Variants in LRRC37A2 observed in about 807,000 individuals in gnomAD.
LRRC37A2 encodes leucine-rich repeat-containing protein 37A2.
In LRRC37A2, 9 loss-of-function variants were observed where a neutral mutation model predicts 68.8. That is an observed-to-expected ratio of 0.13 (90% confidence interval 0.08 to 0.23). LRRC37A2 has a LOEUF of 0.23. LRRC37A2 is among the 10% of genes least tolerant of loss of function. The pLI, the probability that LRRC37A2 is intolerant of heterozygous loss-of-function variation, is 1.00. For missense variants in LRRC37A2, 168 were observed against 950.4 expected (o/e 0.18, Z 10.82); for synonymous variants, 63 against 367.6 (o/e 0.17, Z 9.48).
chr17:47,029,281 C>CA, the LRRC37A2 span, among the ~76,000 whole-genome samples: 3,655 of 150,224 alleles, frequency 0.024, 81 homozygotes, highest in African/African-American at 0.062. Flanking sequence ...AGCTATTGTG[C>CA]AAAAAAAAAC....
the LRRC37A2 span, among the ~76,000 whole-genome samples, chr17:46,918,904 T>C: frequency 2.0e-5 from 3 of 152,240 alleles, no homozygotes; most frequent in Non-Finnish European, 4.4e-5. Context: ...CTGGGATGTT[T>C]TCCCCACTGG....
At chr17:46,741,050 A>C in the LRRC37A2 span, among the ~76,000 whole-genome samples, 1 of 152,130 alleles carries the variant, frequency 6.6e-6, no homozygotes, top group African/African-American at 2.4e-5. Context: ...GCAAGAGTGG[A>C]CCCCAAATCT....
chr17:46,949,919 G>T, the LRRC37A2 span, among the ~76,000 whole-genome samples: 3 of 152,202 alleles, frequency 2.0e-5, no homozygotes, highest in South Asian at 6.2e-4. Flanking sequence ...CAGACGCGGG[G>T]TGCCTAAGAG....
the LRRC37A2 span, among the ~76,000 whole-genome samples, chr17:46,793,065 G>A: frequency 6.7e-6 from 1 of 149,270 alleles, no homozygotes; most frequent in Non-Finnish European, 1.5e-5. Flanking sequence ...AGGTGTTCAA[G>A]ACTAGCCTAG....
the LRRC37A2 span, chr17:46,942,047 A>G: frequency 1.5e-6 from 1 of 684,150 alleles, no homozygotes; most frequent in Non-Finnish European, 1.8e-6. Flanking sequence ...ATTTGAGGAG[A>G]CTTTGAGGAA....
the LRRC37A2 span, among the ~76,000 whole-genome samples, chr17:46,817,984 A>G: frequency 1.1e-4 from 17 of 151,994 alleles, no homozygotes; most frequent in Admixed American, 8.5e-4. Context: ...CCCCCCACCC[A>G]CTCCCCTGCC....
At chr17:46,712,246 A>G in the LRRC37A2 span, among the ~76,000 whole-genome samples, 5 of 152,216 alleles carry the variant, frequency 3.3e-5, no homozygotes, top group Non-Finnish European at 5.9e-5. Flanking sequence ...TATTATTGTC[A>G]ATCATAATTA....
the LRRC37A2 span, among the ~76,000 whole-genome samples, chr17:46,823,017 AAATATGTATTTATAATAAAT>A: frequency 2.5e-5 from 1 of 39,606 alleles, no homozygotes; most frequent in Non-Finnish European, 5.3e-5. Flanking sequence ...TATTTATAAT[AAATATGTATTTATAATAAAT>A]ATGTATTTAT....
At chr17:46,899,882 A>T in the LRRC37A2 span, among the ~76,000 whole-genome samples, 1 of 151,822 alleles carries the variant, frequency 6.6e-6, no homozygotes, top group South Asian at 2.1e-4. Flanking sequence ...AATTAAGGAG[A>T]TATATAGTGG....
chr17:46,537,077 ATTTTTTTTTTTTTTTTT>A (rs766255014), intron 6 of LRRC37A2, among the ~76,000 whole-genome samples: 4 of 34,830 alleles, frequency 1.1e-4, no homozygotes, highest in African/African-American at 5.9e-4. Context: ...ATTGTGGTCA[ATTTTTTTTTTTTTTTTT>A]TTTTTTTTTT....
the LRRC37A2 span, chr17:46,773,989 C>G: frequency 6.5e-7 from 1 of 1,547,178 alleles, no homozygotes; most frequent in Non-Finnish European, 8.7e-7. Flanking sequence ...CTTTGTGAAC[C>G]CTCCGGGGTA....
the LRRC37A2 span, among the ~76,000 whole-genome samples, chr17:46,998,294 C>T: frequency 6.6e-6 from 1 of 152,166 alleles, no homozygotes; most frequent in Non-Finnish European, 1.5e-5. Flanking sequence ...AATCCCGGCT[C>T]GGCCGTGAGT....
At chr17:46,991,398 G>A in the LRRC37A2 span, among the ~76,000 whole-genome samples, 108 of 152,194 alleles carry the variant, frequency 7.1e-4, 1 homozygote, top group Middle Eastern at 6.8e-3. Flanking sequence ...AGGCCGAGGT[G>A]GGTGGATCAC....
the LRRC37A2 span, among the ~76,000 whole-genome samples, chr17:46,699,419 AC>A: frequency 6.6e-6 from 1 of 152,148 alleles, no homozygotes; most frequent in African/African-American, 2.4e-5. Flanking sequence ...ACACACACAC[AC>A]ACACACACTT....
chr17:46,818,608 G>A, the LRRC37A2 span: 5 of 1,588,928 alleles, frequency 3.1e-6, no homozygotes, highest in Admixed American at 7.1e-5. Context: ...TAGAAGAGGC[G>A]CCGAGGAGGA....
chr17:46,691,633 C>T, the LRRC37A2 span, among the ~76,000 whole-genome samples: 5 of 151,600 alleles, frequency 3.3e-5, no homozygotes, highest in Non-Finnish European at 5.9e-5. Context: ...ATATCCTTAT[C>T]GGAGATTTAA....
At chr17:46,898,920 C>T in the LRRC37A2 span, among the ~76,000 whole-genome samples, 1 of 152,020 alleles carries the variant, frequency 6.6e-6, no homozygotes, top group African/African-American at 2.4e-5. Flanking sequence ...AGGTATTTAC[C>T]CAAGGGAATT....
the LRRC37A2 span, among the ~76,000 whole-genome samples, chr17:46,761,134 C>T: frequency 1.3e-5 from 2 of 152,100 alleles, no homozygotes; most frequent in Admixed American, 6.5e-5. Flanking sequence ...TGTACGTGTC[C>T]GATTCGTTGT....
At chr17:47,027,762 G>A in the LRRC37A2 span, 2 of 540,506 alleles carry the variant, frequency 3.7e-6, no homozygotes, top group East Asian at 3.2e-5. Flanking sequence ...AATCCTTTTT[G>A]TCTCTAGCAA....
Sources: gnomAD v4.1 joint callset for allele counts (sites outside exome capture counted in the v4.1 genomes callset) on GRCh38, gnomAD v4.1.1 for gene constraint, MANE v1.5 for transcripts, NCBI Gene and HGNC (gene_info 2026-07-23, HGNC 2026-07-21) for gene names.